The following CHD2 variants were observed in gnomAD, a reference collection of about 807,000 sequenced individuals.
CHD2 encodes the protein chromodomain helicase DNA binding protein 2.
In CHD2, 28 loss-of-function variants were observed where a neutral mutation model predicts 243.9. The ratio of observed to expected loss-of-function variants is 0.11; its 90% CI spans 0.09 to 0.16. The LOEUF (loss-of-function observed/expected upper bound fraction) is 0.16. Ranked by LOEUF, CHD2 falls within the 10% of genes least tolerant of loss-of-function variation. CHD2 has a pLI of 1.00. For synonymous variants in CHD2, 775 were observed against 779.0 expected (o/e 0.99, Z 0.09); for missense variants, 1,386 against 2,209.8 (o/e 0.63, Z 7.47).
At chr15:92,990,619 C>T (rs1456814183) in intron 26 of CHD2, among the ~76,000 whole-genome samples, 2 of 152,206 alleles carry the variant, frequency 1.3e-5, no homozygotes, top group Non-Finnish European at 2.9e-5. Flanking sequence ...ACCTTTGTAT[C>T]TGCGCTGTTC....
At chr15:92,965,661 T>C (rs1334050304) in intron 16 of CHD2, among the ~76,000 whole-genome samples, 1 of 149,376 alleles carries the variant, frequency 6.7e-6, no homozygotes, top group Non-Finnish European at 1.5e-5. Flanking sequence ...TAGCCACTCA[T>C]CTCTGCTGTT....
intron 24 of CHD2, 86 bp from the exon 25 acceptor site, chr15:92,984,244 A>G: frequency 2.0e-6 from 2 of 1,013,698 alleles, no homozygotes; most frequent in Non-Finnish European, 2.7e-6. Flanking sequence ...CACAGTGTCT[A>G]CTTAGATAAA....
At chr15:92,943,526 A>G (rs1306280622) in intron 9 of CHD2, 1 of 163,932 alleles carries the variant, frequency 6.1e-6, no homozygotes, top group Non-Finnish European at 1.3e-5. Context: ...GGGTTATGAT[A>G]TACTTAAAAC....
chr15:92,974,621 A>G lies in CHD2; in HGVS notation c.2506-258A>G, dbSNP rs946493239. ...CGTCTTTCTCCTTTTAGGTCCTGGC[A>G]GCCATTCTGATCCTTGGCTAAACCT... On this transcript the variant is annotated intron_variant, in intron 19 of 38. Transcript: ENST00000394196. 2.1e-4 allele frequency: 75 copies of G among 352,544 alleles called. 1 individual carries two copies. The highest frequency in any genetic ancestry group is 2.1e-5 in the Non-Finnish European group (4 of 188,800). 21.8% of individuals were successfully genotyped at this position (352,544 alleles called of 1,614,324 possible).
intron 2 of CHD2, among the ~76,000 whole-genome samples, chr15:92,915,531 A>G (rs920803324): frequency 6.6e-6 from 1 of 152,176 alleles, no homozygotes; most frequent in East Asian, 1.9e-4. Flanking sequence ...TCGGCCTCCC[A>G]AAGTGCTGGG....
intron 2 of CHD2, chr15:92,904,708 G>C: frequency 3.6e-6 from 5 of 1,390,450 alleles, no homozygotes; most frequent in Non-Finnish European, 4.6e-6. Context: ...GGCACTATTT[G>C]GAAATCTTAA....
In CHD2 at chr15:92,937,571, C is replaced by T. The variant is rs746660202; in HGVS notation, c.497C>T (p.Ala166Val). 6.2e-7 allele frequency: 1 copy of T among 1,613,580 alleles called. No homozygotes were observed. Residue 166 changes from alanine (A) to valine (V), a missense_variant, in exon 6 of 39, where the codon GCA becomes GTA. Physicochemically the swap from Ala to Val is moderately conservative, Grantham distance 64. Coordinates refer to ENST00000394196, the MANE Select transcript of CHD2 (RefSeq NM_001271.4). ...SEDEQEQGTS[A>V]ESEPEQKKVK... ...GATGAACAGGAACAAGGCACCAGTG[C>T]AGAGAGTGAGCCAGAACAAAAAAAA...
intron 37 of CHD2, among the ~76,000 whole-genome samples, chr15:93,015,717 C>T (rs1420829413): frequency 6.6e-6 from 1 of 151,990 alleles, no homozygotes; most frequent in African/African-American, 2.4e-5. Flanking sequence ...AGACATTTCT[C>T]AAAAGAAGAC....
At chr15:92,929,191 T>G (rs2053119288) in intron 5 of CHD2, 100 bp downstream of exon 5, 3 of 1,104,170 alleles carry the variant, frequency 2.7e-6, no homozygotes, top group Non-Finnish European at 4.0e-6. Context: ...TCCAGGTCCC[T>G]TAGTCTGCTT....
chr15:92,921,632 A>G (rs1424521550), intron 2 of CHD2, among the ~76,000 whole-genome samples: 1 of 152,336 alleles, frequency 6.6e-6, no homozygotes, highest in East Asian at 1.9e-4. Context: ...GTAACGACTC[A>G]CTAATGGGTG....
At chr15:92,957,669 A>G (rs910417078) in intron 16 of CHD2, among the ~76,000 whole-genome samples, 5 of 151,426 alleles carry the variant, frequency 3.3e-5, no homozygotes, top group African/African-American at 9.7e-5. Context: ...TTTTTAATTC[A>G]GGATTAAATT....
At chr15:92,929,162 C>T (rs915633303) in intron 5 of CHD2, 71 bp downstream of exon 5, 83 of 1,431,254 alleles carry the variant, frequency 5.8e-5, no homozygotes, top group African/African-American at 1.3e-4. Flanking sequence ...GGACTGCCTT[C>T]GTTGTGTCTT....
At chr15:92,989,485 C>G (rs1596441857) in intron 26 of CHD2, among the ~76,000 whole-genome samples, 1 of 152,260 alleles carries the variant, frequency 6.6e-6, no homozygotes, top group Non-Finnish European at 1.5e-5. Flanking sequence ...CTTTCCTGTA[C>G]TAGTTATCTG....
intron 2 of CHD2, chr15:92,904,576 C>A: frequency 1.9e-6 from 2 of 1,028,016 alleles, no homozygotes; most frequent in Non-Finnish European, 2.3e-6. Context: ...CTTGTCCGCC[C>A]TTGCCTGTAG....
chr15:92,904,478 G>A, intron 2 of CHD2: 9 of 989,766 alleles, frequency 9.1e-6, no homozygotes, highest in Non-Finnish European at 1.1e-5. Context: ...TACCCAGGGA[G>A]CCGCACGCCG....
In CHD2 at chr15:92,953,235, C is replaced by T; in HGVS notation, c.1503-122C>T. 3 of 709,354 alleles carry T rather than the reference C, an allele frequency of 4.2e-6. No homozygotes were observed. In the African/African-American group the frequency reaches 5.4e-5, roughly 13 times the overall value. 43.9% of individuals were successfully genotyped at this position (709,354 alleles called of 1,614,324 possible). Reference sequence around the variant, plus strand: ...CAGATGAGAAGAAATACATTTGAGGCTTATGAATGACACCTTGCTTGGCTG... The same window carrying T: ...CAGATGAGAAGAAATACATTTGAGGTTTATGAATGACACCTTGCTTGGCTG... On this transcript the variant is annotated intron_variant, in intron 13 of 38. Transcript: ENST00000394196.
Position 92,952,968 on chromosome 15 carries a change from G to T in CHD2, c.1503-389G>T, listed in dbSNP as rs537953948. ...GTGGAATGGGGTGGGCCAGCCACAG[G>T]ATTCACCAGCGGTGCTGATAGCTTT... On this transcript the variant is annotated intron_variant, in intron 13 of 38. Coordinates refer to ENST00000394196, the MANE Select transcript of CHD2 (RefSeq NM_001271.4). 7.2e-5 allele frequency among the ~76,000 whole-genome samples: 11 copies of T among 152,336 alleles called. 1 individual carries two copies. Among genetic ancestry groups the T allele is most frequent in the African/African-American group, 2.4e-4 (10 of 41,586 alleles).
rs1376335376 is a variant in CHD2, at chr15:93,024,974, GA to G, written c.*270del. 15 of 433,430 alleles carry G rather than the reference GA, an allele frequency of 3.5e-5. No individual in the cohort carries two copies. Among genetic ancestry groups the G allele is most frequent in the Middle Eastern group, 6.0e-4 (1 of 1,670 alleles). 26.8% of individuals were successfully genotyped at this position (433,430 alleles called of 1,614,324 possible). A position where few individuals can be genotyped will look rare whatever the true frequency, so the allele number is the denominator to read the frequency against. On this transcript the variant is annotated 3_prime_UTR_variant, in exon 39 of 39. Transcript: ENST00000394196. The stretch of plus-strand genomic sequence containing the variant: ...TTGACGGGCACTTGGAGGAGGAGCT[GA>G]CTGTGTGTGTACCAGCTTCACTGGG...
intron 1 of CHD2, 110 bp from the exon 2 acceptor site, chr15:92,901,057 T>C: frequency 1.6e-6 from 1 of 616,838 alleles, no homozygotes; most frequent in Non-Finnish European, 2.9e-6. Flanking sequence ...TTTTTGGTGC[T>C]TACCGTTGTT....
Sources: allele counts gnomAD v4.1 joint callset (sites outside exome capture counted in the v4.1 genomes callset), GRCh38; gene constraint gnomAD v4.1.1; transcripts MANE v1.5; gene names NCBI Gene and HGNC (gene_info 2026-07-23, HGNC 2026-07-21).